Variants in GRID2IP observed in about 807,000 individuals in gnomAD.
GRID2IP encodes the protein Grid2 interacting protein, also known as delphilin.
In GRID2IP, 78 loss-of-function variants were observed where a neutral mutation model predicts 114.3. That is an observed-to-expected ratio of 0.68 (90% CI 0.57 to 0.82). The LOEUF (loss-of-function observed/expected upper bound fraction) is 0.82. Ranked by LOEUF, GRID2IP falls within the 40% of genes least tolerant of loss-of-function variation. GRID2IP has a pLI of 0.00. For missense variants in GRID2IP, 1,727 were observed against 1,678.5 expected, an observed-to-expected ratio of 1.03 and a Z score of -0.51; for synonymous variants, 809 against 724.0, an observed-to-expected ratio of 1.12 and a Z score of -1.89.
intron 2 of GRID2IP, 134 bp downstream of exon 2, chr7:6,539,584 A>G: frequency 1.2e-6 from 1 of 831,556 alleles, no homozygotes. Flanking sequence ...TTATGTTGCG[A>G]TGCTGTTCAA....
rs906987064 is a variant in GRID2IP, at chr7:6,551,125, G to C, written c.312C>G (p.Ala104=). The change falls in exon 1 of 22, where the codon GCC becomes GCG. Residue 104 remains alanine, a synonymous_variant. Transcript: ENST00000457091. The stretch of plus-strand genomic sequence containing the variant: ...GAGCTAGGCCGCGGCCGCACCGCGG[G>C]GCCCGCAAGACTGTGGTCGGGGCCG... The part of the protein sequence containing the change: ...GPAAPTTVLR[A]PRCGRGLALG... The C allele has an allele frequency of 1.5e-6, 2 of 1,299,860 alleles. No homozygotes were observed. Among genetic ancestry groups the C allele is most frequent in the African/African-American group, 3.1e-5 (2 of 64,270 alleles). 80.5% of individuals were successfully genotyped at this position (1,299,860 alleles called of 1,614,324 possible).
At chr7:6,502,148 T>C (rs1458166653) in intron 18 of GRID2IP, 30 bp from the exon 19 acceptor site, 5 of 1,549,076 alleles carry the variant, frequency 3.2e-6, no homozygotes, top group Non-Finnish European at 4.4e-6. Flanking sequence ...TACATTCCCG[T>C]CAAGGACCCC....
chr7:6,529,134 T>C (rs1292910996), intron 2 of GRID2IP, among the ~76,000 whole-genome samples: 1 of 152,000 alleles, frequency 6.6e-6, no homozygotes, highest in Non-Finnish European at 1.5e-5. Context: ...ACATCACAGC[T>C]CTACCTTCCA....
chr7:6,540,100 T>A (rs935010462), intron 1 of GRID2IP, among the ~76,000 whole-genome samples: 2 of 35,532 alleles, frequency 5.6e-5, no homozygotes, highest in South Asian at 2.4e-3. Context: ...TCCCCTCCCC[T>A]CCCCTCCCCT....
chr7:6,503,695 C>T lies in GRID2IP; in HGVS notation c.2711-8G>A. The T allele has an allele frequency of 1.1e-6, 1 of 945,080 alleles. No individual in the cohort carries two copies. The highest frequency in any genetic ancestry group is 1.7e-5 in the South Asian group (1 of 57,838). The allele number at this position is 945,080 out of a possible 1,614,324, so 58.5% of individuals were successfully genotyped here. ...GGTGTGCCAAGAGGATGGCTGCGGG[C>T]GGGGCGGGGCGGTGAGCTGGGCGGG... On this transcript the variant is annotated splice_region_variant and splice_polypyrimidine_tract_variant and intron_variant, in intron 15 of 21. Coordinates refer to ENST00000457091, the MANE Select transcript of GRID2IP (RefSeq NM_001145118.2).
intron 1 of GRID2IP, among the ~76,000 whole-genome samples, 173 bp from the exon 2 acceptor site, chr7:6,540,045 CTCTTCCTTCCTT>C (rs1414157706): frequency 1.3e-5 from 2 of 149,616 alleles, no homozygotes; most frequent in Non-Finnish European, 3.0e-5. Flanking sequence ...TTCTCTTTCT[CTCTTCCTTCCTT>C]TCTTCCTTCC....
At chr7:6,547,295 C>A (rs1373708098) in intron 1 of GRID2IP, among the ~76,000 whole-genome samples, 1 of 152,058 alleles carries the variant, frequency 6.6e-6, no homozygotes, top group African/African-American at 2.4e-5. Flanking sequence ...AATCCCAGCA[C>A]TTTGGGAGGC....
Position 6,509,263 on chromosome 7 carries a change from A to G in GRID2IP, c.1822T>C (p.Ser608Pro). ...GAACACAGCGGGTGGTAGCAGGGGGAGGGCAAGAGTCGCTCGCTGGGCCAT... is the reference window on the plus strand; with the variant it reads ...GAACACAGCGGGTGGTAGCAGGGGGGGGGCAAGAGTCGCTCGCTGGGCCAT... ...VSWPSERLLP[S>P]PCYHPLCSGG... Residue 608 changes from serine to proline, a missense_variant, in exon 12 of 22, where the codon TCC becomes CCC. Ser to Pro is a moderately conservative substitution (Grantham distance 74). Coordinates refer to ENST00000457091, the MANE Select transcript of GRID2IP (RefSeq NM_001145118.2). The surrounding 1 kb of genome is among the most constrained non-coding windows in gnomAD (Gnocchi z 4.9). 1 of 1,526,020 alleles carries G rather than the reference A, an allele frequency of 6.6e-7. No homozygotes were observed. Among genetic ancestry groups the G allele is most frequent in the Admixed American group, 2.0e-5 (1 of 48,840 alleles). The allele number at this position is 1,526,020 out of a possible 1,614,324, so 94.5% of individuals were successfully genotyped here. A position where few individuals can be genotyped will look rare whatever the true frequency, so the allele number is the denominator to read the frequency against.
intron 2 of GRID2IP, among the ~76,000 whole-genome samples, chr7:6,538,708 T>C (rs1779769085): frequency 6.6e-6 from 1 of 152,146 alleles, no homozygotes; most frequent in Admixed American, 6.6e-5. Flanking sequence ...TGACACCCCA[T>C]CTTTACTAAA....
In GRID2IP at chr7:6,497,670, C is replaced by A; in HGVS notation, c.*104G>T. 1.2e-6 allele frequency: 1 copy of A among 823,586 alleles called. No individual in the cohort carries two copies. 51.0% of individuals were successfully genotyped at this position (823,586 alleles called of 1,614,324 possible). The stretch of plus-strand genomic sequence containing the variant: ...AGCTGCAGGAGAGGCTGGCGGTGTG[C>A]TCAGAGCCCGGGGCACAGTGGCCCC... On this transcript the variant is annotated 3_prime_UTR_variant, in exon 22 of 22. Coordinates refer to ENST00000457091, the MANE Select transcript of GRID2IP (RefSeq NM_001145118.2).
intron 2 of GRID2IP, among the ~76,000 whole-genome samples, chr7:6,527,310 C>T (rs1779534679): frequency 6.6e-6 from 1 of 152,178 alleles, no homozygotes; most frequent in Admixed American, 6.5e-5. Flanking sequence ...CCCGTTTCTG[C>T]CACCTTCAGT....
intron 2 of GRID2IP, among the ~76,000 whole-genome samples, chr7:6,531,984 G>A (rs536823056): frequency 6.6e-6 from 1 of 152,282 alleles, no homozygotes; most frequent in African/African-American, 2.4e-5. Context: ...GAGGGAGCGA[G>A]TAGAGGGCCT....
intron 2 of GRID2IP, among the ~76,000 whole-genome samples, chr7:6,533,014 G>A (rs1056540652): frequency 1.3e-5 from 2 of 152,196 alleles, no homozygotes; most frequent in African/African-American, 4.8e-5. Context: ...AAAAGGCACT[G>A]CTTAAGTTTC....
chr7:6,528,153 T>C lies in GRID2IP; in HGVS notation c.585-1384A>G, dbSNP rs1204151219. The stretch of plus-strand genomic sequence containing the variant: ...CTCAAGTGATACTCCCACCTCCACT[T>C]CTCGAAGTGCTGGGATTACAGGCGT... On this transcript the variant is annotated intron_variant, in intron 2 of 21. Transcript: ENST00000457091. The surrounding 1 kb of genome is among the most constrained non-coding windows in gnomAD (Gnocchi z 6.0). 6.6e-6 allele frequency among the ~76,000 whole-genome samples: 1 copy of C among 152,040 alleles called. No individual in the cohort carries two copies. Among genetic ancestry groups the C allele is most frequent in the African/African-American group, 2.4e-5 (1 of 41,374 alleles).
chr7:6,530,710 C>G (rs748072937), intron 2 of GRID2IP, among the ~76,000 whole-genome samples: 1 of 152,180 alleles, frequency 6.6e-6, no homozygotes, highest in Non-Finnish European at 1.5e-5. Context: ...CGAGATGCCC[C>G]CGATTTTCAC....
rs1786697189 is a variant in GRID2IP, at chr7:6,509,340, T to G, written c.1772-27A>C. 12 of 1,463,196 alleles carry G rather than the reference T, an allele frequency of 8.2e-6. No homozygotes were observed. The highest frequency in any genetic ancestry group is 2.6e-5 in the Admixed American group (1 of 38,474). The allele number at this position is 1,463,196 out of a possible 1,614,324, so 90.6% of individuals were successfully genotyped here. ...TGGAGGAGGGATGGAGTATGAGGAT[T>G]CCTCTTCAGCCAGCACCGAGGTTCC... On this transcript the variant is annotated intron_variant, in intron 11 of 21. Coordinates refer to ENST00000457091, the MANE Select transcript of GRID2IP (RefSeq NM_001145118.2). This position sits in a 1 kb window ranked among gnomAD's most constrained non-coding sequence, Gnocchi z 4.9.
intron 11 of GRID2IP, 124 bp downstream of exon 11, chr7:6,510,159 G>C (rs1786724539): frequency 3.3e-6 from 2 of 597,124 alleles, no homozygotes; most frequent in Non-Finnish European, 5.7e-6. Flanking sequence ...TGAGGTGAGG[G>C]TCACAGGGCC....
rs1779733242 is a variant in GRID2IP, at chr7:6,536,863, T to C, written c.584+2855A>G. 2 of 509,498 alleles carry C rather than the reference T, an allele frequency of 3.9e-6. No homozygotes were observed. The highest frequency in any genetic ancestry group is 2.2e-5 in the African/African-American group (1 of 46,130). The allele number at this position is 509,498 out of a possible 1,614,324, so 31.6% of individuals were successfully genotyped here. On this transcript the variant is annotated intron_variant, in intron 2 of 21. Coordinates refer to ENST00000457091, the MANE Select transcript of GRID2IP (RefSeq NM_001145118.2). The surrounding 1 kb of genome is among the most constrained non-coding windows in gnomAD (Gnocchi z 5.3). The stretch of plus-strand genomic sequence containing the variant: ...AGCTCATGGTGGCCTCTTTCGGTGG[T>C]GGTCGCCTATGCTCCGCTGCAGAGC...
At chr7:6,540,508 T>G (rs1779798830) in intron 1 of GRID2IP, among the ~76,000 whole-genome samples, 1 of 151,648 alleles carries the variant, frequency 6.6e-6, no homozygotes, top group African/African-American at 2.4e-5. Context: ...ATTTAATTTT[T>G]AATTTATTGT....
Sources: allele counts gnomAD v4.1 joint callset (sites outside exome capture counted in the v4.1 genomes callset), GRCh38; gene constraint gnomAD v4.1.1; non-coding constraint Gnocchi (gnomAD v3.1); transcripts MANE v1.5; gene names NCBI Gene and HGNC (gene_info 2026-07-23, HGNC 2026-07-21).